The following ROBO1 variants were observed in gnomAD, a reference collection of about 807,000 sequenced individuals.
The protein encoded by ROBO1 is roundabout guidance receptor 1, also known as roundabout homolog 1.
Under a neutral mutation model 195.9 loss-of-function variants are expected in ROBO1, and 149 were observed. The observed-to-expected ratio is 0.76, with a 90% CI of 0.67 to 0.87. The LOEUF (loss-of-function observed/expected upper bound fraction) is 0.87, where lower values mean the gene tolerates loss of function less well. ROBO1 is among the 40% of genes least tolerant of loss of function. ROBO1 has a pLI of 0.00. For synonymous variants in ROBO1, 816 were observed against 733.2 expected, an observed-to-expected ratio of 1.11 and a Z score of -1.82; for missense variants, 1,933 against 2,068.3, an observed-to-expected ratio of 0.93 and a Z score of 1.27.
chr3:79,746,251 A>G (rs1262902817), intron 1 of ROBO1, among the ~76,000 whole-genome samples: 1 of 152,034 alleles, frequency 6.6e-6, no homozygotes, highest in Non-Finnish European at 1.5e-5. Context: ...ATCCTCTTTA[A>G]TCTTTAAAAA....
intron 2 of ROBO1, among the ~76,000 whole-genome samples, chr3:79,333,205 T>TA (rs72117935): frequency 0.051 from 6,609 of 130,204 alleles, 352 homozygotes; most frequent in African/African-American, 0.15. Context: ...AGACTCTGTC[T>TA]AAAAAAAAAA....
intron 1 of ROBO1, among the ~76,000 whole-genome samples, chr3:79,711,318 TA>T (rs1702268093): frequency 6.6e-6 from 1 of 152,116 alleles, no homozygotes; most frequent in African/African-American, 2.4e-5. Flanking sequence ...TAAAAGCACA[TA>T]AACTAATGTA....
intron 5 of ROBO1, among the ~76,000 whole-genome samples, chr3:78,744,403 T>C (rs2082606209): frequency 6.6e-6 from 1 of 152,166 alleles, no homozygotes. Flanking sequence ...CATTGCCACG[T>C]TTCAGTGTGT....
chr3:79,384,256 T>G (rs1014159925), intron 2 of ROBO1, among the ~76,000 whole-genome samples: 1 of 152,058 alleles, frequency 6.6e-6, no homozygotes, highest in African/African-American at 2.4e-5. Flanking sequence ...TATTCTTCAT[T>G]TTGTCACACT....
intron 1 of ROBO1, among the ~76,000 whole-genome samples, chr3:79,640,538 A>G (rs1945628565): frequency 6.6e-6 from 1 of 152,168 alleles, no homozygotes. Flanking sequence ...AACCGACTTC[A>G]GTCCGGCTGT....
chr3:79,304,972 T>C (rs1391318818), intron 2 of ROBO1, among the ~76,000 whole-genome samples: 2 of 152,188 alleles, frequency 1.3e-5, no homozygotes, highest in Non-Finnish European at 2.9e-5. Flanking sequence ...TTTCCTGAAG[T>C]GTATGCGAGT....
intron 1 of ROBO1, among the ~76,000 whole-genome samples, chr3:79,715,721 C>T (rs1702455351): frequency 6.6e-6 from 1 of 151,900 alleles, no homozygotes; most frequent in South Asian, 2.1e-4. Context: ...ATGCTATGTG[C>T]CGTGTATTTG....
chr3:78,963,580 G>A (rs1417454235), intron 3 of ROBO1, among the ~76,000 whole-genome samples: 1 of 138,346 alleles, frequency 7.2e-6, no homozygotes, highest in African/African-American at 2.7e-5. Context: ...GTGCAGTGGC[G>A]CGATCTCGGC....
chr3:78,607,446 C>G (rs914078069), intron 28 of ROBO1, among the ~76,000 whole-genome samples: 2 of 152,106 alleles, frequency 1.3e-5, no homozygotes, highest in African/African-American at 4.8e-5. Context: ...CTCCTGGACT[C>G]AAGTGATCTG....
chr3:79,678,445 T>TA (rs1946848697), intron 1 of ROBO1, among the ~76,000 whole-genome samples: 1 of 151,992 alleles, frequency 6.6e-6, no homozygotes, highest in African/African-American at 2.4e-5. Context: ...TTCAAATAGA[T>TA]AAAATATTTG....
chr3:79,626,493 CAT>C (rs1945185500), intron 1 of ROBO1, among the ~76,000 whole-genome samples: 1 of 152,024 alleles, frequency 6.6e-6, no homozygotes, highest in Non-Finnish European at 1.5e-5. Context: ...ATTGATGGAC[CAT>C]ATCTCAAAAT....
intron 3 of ROBO1, among the ~76,000 whole-genome samples, chr3:78,946,483 G>C (rs188550343): frequency 3.6e-4 from 55 of 152,270 alleles, no homozygotes; most frequent in African/African-American, 1.2e-3. Flanking sequence ...GAGAGATTTT[G>C]TCACCACCAG....
chr3:78,785,850 G>A, intron 4 of ROBO1, among the ~76,000 whole-genome samples: 1 of 152,044 alleles, frequency 6.6e-6, no homozygotes, highest in East Asian at 1.9e-4. Flanking sequence ...TCAAATCATG[G>A]ATATTTTATT....
intron 4 of ROBO1, among the ~76,000 whole-genome samples, chr3:78,834,891 T>C (rs1441094022): frequency 6.6e-6 from 1 of 152,140 alleles, no homozygotes; most frequent in Non-Finnish European, 1.5e-5. Flanking sequence ...TCCATACTGA[T>C]TATAGACATA....
intron 2 of ROBO1, among the ~76,000 whole-genome samples, chr3:79,175,411 A>G (rs1421849523): frequency 1.3e-5 from 2 of 152,190 alleles, no homozygotes; most frequent in African/African-American, 2.4e-5. Context: ...CTCCCCAAAT[A>G]CTGGGATTAT....
chr3:79,247,481 T>C (rs1420223262), intron 2 of ROBO1, among the ~76,000 whole-genome samples: 1 of 151,886 alleles, frequency 6.6e-6, no homozygotes, highest in Non-Finnish European at 1.5e-5. Context: ...AAAAGGTATC[T>C]AGAGAGTTCA....
chr3:79,050,677 A>G (rs1292362376), intron 3 of ROBO1, among the ~76,000 whole-genome samples: 1 of 152,192 alleles, frequency 6.6e-6, no homozygotes, highest in Non-Finnish European at 1.5e-5. Context: ...CTCCTCAGCA[A>G]TTGTAAAAGA....
chr3:78,833,198 C>T (rs775051963), intron 4 of ROBO1, among the ~76,000 whole-genome samples: 2 of 151,144 alleles, frequency 1.3e-5, no homozygotes, highest in African/African-American at 2.4e-5. Context: ...GCTCAATGCA[C>T]GGCAATGAAA....
intron 2 of ROBO1, among the ~76,000 whole-genome samples, chr3:79,380,815 A>G (rs1247359334): frequency 6.6e-6 from 1 of 152,098 alleles, no homozygotes; most frequent in Non-Finnish European, 1.5e-5. Flanking sequence ...CAGTGTGCCA[A>G]TTCTGAGTCA....
Sources: gnomAD v4.1 joint callset for allele counts (sites outside exome capture counted in the v4.1 genomes callset) on GRCh38, gnomAD v4.1.1 for gene constraint, MANE v1.5 for transcripts, NCBI Gene and HGNC (gene_info 2026-07-23, HGNC 2026-07-21) for gene names.